KIAA1217: variants seen among roughly 807,000 people sequenced by gnomAD.
KIAA1217 encodes sickle tail protein homolog.
In KIAA1217, 88 loss-of-function variants were observed where a neutral mutation model predicts 163.9. The observed-to-expected ratio is 0.54, with a 90% CI of 0.45 to 0.64. The LOEUF (loss-of-function observed/expected upper bound fraction) is 0.64. KIAA1217 is among the 30% of genes least tolerant of loss of function. KIAA1217 has a pLI of 0.00. For missense variants in KIAA1217, 2,372 were observed against 2,475.0 expected (o/e 0.96, Z 0.88); for synonymous variants, 903 against 923.1 (o/e 0.98, Z 0.39).
At chr10:24,198,971 CACT>C (rs1183301340) in intron 2 of KIAA1217, among the ~76,000 whole-genome samples, 1 of 152,202 alleles carries the variant, frequency 6.6e-6, no homozygotes, top group Non-Finnish European at 1.5e-5. Context: ...GCAATCCCAG[CACT>C]ATGGGAGGCT....
At chr10:23,948,782 A>G (rs919307672) in intron 1 of KIAA1217, among the ~76,000 whole-genome samples, 3 of 152,174 alleles carry the variant, frequency 2.0e-5, no homozygotes, top group African/African-American at 7.2e-5. Flanking sequence ...AAATGAATAA[A>G]ATAATAGATA....
intron 1 of KIAA1217, among the ~76,000 whole-genome samples, chr10:23,718,358 A>G (rs1837685256): frequency 6.6e-6 from 1 of 152,196 alleles, no homozygotes; most frequent in Non-Finnish European, 1.5e-5. Flanking sequence ...AGTTTATAGA[A>G]TAGCAGAAAT....
intron 2 of KIAA1217, among the ~76,000 whole-genome samples, chr10:24,260,474 G>T (rs1173695495): frequency 6.6e-6 from 1 of 151,602 alleles, no homozygotes; most frequent in Admixed American, 6.6e-5. Flanking sequence ...TTGAGGCCAG[G>T]CATGGTGGCT....
intron 2 of KIAA1217, among the ~76,000 whole-genome samples, chr10:24,237,746 G>A (rs1410697130): frequency 6.6e-6 from 1 of 152,190 alleles, no homozygotes; most frequent in African/African-American, 2.4e-5. Flanking sequence ...AAGCCCAAGT[G>A]TGGGCTTCAT....
At chr10:24,009,387 T>G (rs1262697120) in intron 2 of KIAA1217, among the ~76,000 whole-genome samples, 3 of 152,136 alleles carry the variant, frequency 2.0e-5, no homozygotes, top group African/African-American at 7.2e-5. Context: ...AGGGATTTTT[T>G]TTTTTAAAGC....
At chr10:24,071,598 C>T in intron 2 of KIAA1217, among the ~76,000 whole-genome samples, 1 of 152,168 alleles carries the variant, frequency 6.6e-6, no homozygotes, top group South Asian at 2.1e-4. Flanking sequence ...AGTCACATTT[C>T]TGCTTCAGTG....
intron 2 of KIAA1217, among the ~76,000 whole-genome samples, chr10:24,067,558 G>A (rs929383624): frequency 4.6e-5 from 7 of 152,322 alleles, no homozygotes; most frequent in South Asian, 2.1e-4. Flanking sequence ...CCCCTACTGG[G>A]GGATGCCTCC....
intron 2 of KIAA1217, among the ~76,000 whole-genome samples, chr10:24,322,060 C>T (rs2044234108): frequency 6.6e-6 from 1 of 152,110 alleles, no homozygotes; most frequent in Non-Finnish European, 1.5e-5. Flanking sequence ...GCGATTCTCC[C>T]ACCTCAGCCT....
chr10:24,467,774 G>T (rs2063096672), intron 5 of KIAA1217, among the ~76,000 whole-genome samples: 2 of 151,736 alleles, frequency 1.3e-5, no homozygotes, highest in African/African-American at 4.8e-5. Context: ...ATATTAATGT[G>T]AATGGCAACT....
Position 24,224,633 on chromosome 10 carries a change from C to T in KIAA1217, c.354+4724C>T, listed in dbSNP as rs149750117. Among the ~76,000 whole-genome samples, 70 of 151,820 alleles carry T rather than the reference C, an allele frequency of 4.6e-4. 1 individual carries two copies. The East Asian group carries it at 0.012, about 25-fold the overall frequency. On this transcript the variant is annotated intron_variant, in intron 2 of 20. Coordinates refer to ENST00000376454, the MANE Select transcript of KIAA1217 (RefSeq NM_019590.5). The stretch of plus-strand genomic sequence containing the variant: ...CTGCACCCGACCTTAATGGCTTAAT[C>T]TTTCTCTGTTTCAGTTTCCTCGTTT...
chr10:24,304,503 C>A (rs1267942014), intron 2 of KIAA1217, among the ~76,000 whole-genome samples: 1 of 152,054 alleles, frequency 6.6e-6, no homozygotes, highest in Non-Finnish European at 1.5e-5. Context: ...CCACATCCAA[C>A]TAGTTTTTTT....
intron 5 of KIAA1217, among the ~76,000 whole-genome samples, chr10:24,448,867 G>C (rs967890464): frequency 4.6e-5 from 7 of 152,178 alleles, no homozygotes; most frequent in African/African-American, 1.7e-4. Context: ...AGATCCTGAA[G>C]ATATATTGGC....
At chr10:24,224,889 C>T (rs2070265486) in intron 2 of KIAA1217, among the ~76,000 whole-genome samples, 1 of 145,106 alleles carries the variant, frequency 6.9e-6, no homozygotes, top group Non-Finnish European at 1.5e-5. Flanking sequence ...TGCAGTGGCG[C>T]AGTCTCGGCT....
chr10:23,785,147 C>T (rs1456880748), intron 1 of KIAA1217, among the ~76,000 whole-genome samples: 3 of 152,146 alleles, frequency 2.0e-5, no homozygotes. Flanking sequence ...TGCCACCTCT[C>T]CAAGTTCCTC....
intron 1 of KIAA1217, among the ~76,000 whole-genome samples, chr10:23,742,259 G>A (rs1196494578): frequency 6.6e-6 from 1 of 152,174 alleles, no homozygotes; most frequent in Non-Finnish European, 1.5e-5. Flanking sequence ...AGAAGTGTGA[G>A]GGGTAGATGT....
At chr10:23,809,376 T>A (rs548359578) in intron 1 of KIAA1217, among the ~76,000 whole-genome samples, 2 of 152,102 alleles carry the variant, frequency 1.3e-5, no homozygotes, top group African/African-American at 4.8e-5. Context: ...AAAATTAAGA[T>A]TCCATGTGAA....
At chr10:23,713,833 C>G (rs1564359896) in intron 1 of KIAA1217, among the ~76,000 whole-genome samples, 1 of 152,124 alleles carries the variant, frequency 6.6e-6, no homozygotes, top group Non-Finnish European at 1.5e-5. Context: ...TCATGATCAC[C>G]TATTTCCACC....
chr10:24,198,334 C>T (rs1255976670), intron 2 of KIAA1217, among the ~76,000 whole-genome samples: 1 of 152,088 alleles, frequency 6.6e-6, no homozygotes, highest in Admixed American at 6.6e-5. Flanking sequence ...ACTGGGTGGG[C>T]GTGGTGGCTC....
intron 1 of KIAA1217, among the ~76,000 whole-genome samples, chr10:23,899,253 G>C (rs1380898854): frequency 6.6e-6 from 1 of 152,122 alleles, no homozygotes; most frequent in Non-Finnish European, 1.5e-5. Context: ...ATGCCAAATT[G>C]ATGTCCAACG....
Sources: gnomAD v4.1 joint callset for allele counts (sites outside exome capture counted in the v4.1 genomes callset) on GRCh38, gnomAD v4.1.1 for gene constraint, MANE v1.5 for transcripts, NCBI Gene and HGNC (gene_info 2026-07-23, HGNC 2026-07-21) for gene names.